Variants in NPC1L1 observed in about 807,000 individuals in gnomAD.
NPC1L1 encodes NPC1 like intracellular cholesterol transporter 1.
Under a neutral mutation model 117.0 loss-of-function variants are expected in NPC1L1, and 98 were observed. The ratio of observed to expected loss-of-function variants is 0.84; its 90% CI spans 0.71 to 0.99. The LOEUF (loss-of-function observed/expected upper bound fraction) is 0.99. Ranked by LOEUF, NPC1L1 falls within the 50% of genes least tolerant of loss-of-function variation. The pLI, the probability that NPC1L1 is intolerant of heterozygous loss-of-function variation, is 0.00. For synonymous variants in NPC1L1, 729 were observed against 727.6 expected (o/e 1.00, Z -0.03); for missense variants, 1,540 against 1,710.0 (o/e 0.90, Z 1.75).
At chr7:44,530,984 C>T (rs181170443) in intron 10 of NPC1L1, among the ~76,000 whole-genome samples, 189 of 152,338 alleles carry the variant, frequency 1.2e-3, no homozygotes, top group Non-Finnish European at 2.1e-3. Context: ...GCCCAAACCT[C>T]CATCACAGTT....
At chr7:44,518,755 G>GA in intron 14 of NPC1L1, 4 of 1,096,640 alleles carry the variant, frequency 3.6e-6, no homozygotes, top group South Asian at 2.2e-5. Flanking sequence ...TAGGTGTGGA[G>GA]AAAAAAGAAG....
At chr7:44,535,136 T>A in intron 5 of NPC1L1, among the ~76,000 whole-genome samples, 1 of 151,904 alleles carries the variant, frequency 6.6e-6, no homozygotes, top group Non-Finnish European at 1.5e-5. Context: ...GCACTTTGGG[T>A]GGGCGGATCA....
chr7:44,531,755 C>A lies in NPC1L1; in HGVS notation c.2637G>T (p.Lys879Asn), dbSNP rs1801707348. Residue 879 changes from lysine to asparagine, a missense_variant and splice_region_variant, in exon 10 of 19, where the codon AAG becomes AAT. Transcript: ENST00000381160. ...VGLDQELALP[K>N]DSYLLDYFLF... Reference sequence around the variant, plus strand: ...AGGGTTGAGAAGGGCCTGGGCTCACCTTGGGCAGGGCCAGCTCCTGGTCCA... The same window carrying A: ...AGGGTTGAGAAGGGCCTGGGCTCACATTGGGCAGGGCCAGCTCCTGGTCCA... The A allele has an allele frequency of 2.5e-6, 4 of 1,570,110 alleles. No individual in the cohort carries two copies. The highest frequency in any genetic ancestry group is 3.5e-6 in the Non-Finnish European group (4 of 1,157,494).
Position 44,538,234 on chromosome 7 carries a change from G to A in NPC1L1, c.1580+583C>T, listed in dbSNP as rs149504525. On this transcript the variant is annotated intron_variant, in intron 2 of 18. Transcript: ENST00000381160. The surrounding 1 kb of genome is among the most constrained non-coding windows in gnomAD (Gnocchi z 5.9). ...CTCTTGGCCCCCTTGGCCCAGCAGC[G>A]TTGTTGGCATCTTGTTGGCAGCACA... is the stretch of plus-strand genomic sequence containing the variant. 1.1e-4 allele frequency among the ~76,000 whole-genome samples: 17 copies of A among 152,336 alleles called. No individual in the cohort carries two copies. The highest frequency in any genetic ancestry group is 2.1e-4 in the Non-Finnish European group (14 of 68,030).
chr7:44,515,802 C>A lies in NPC1L1; in HGVS notation c.3796+1G>T. On this transcript the variant is annotated splice_donor_variant, in intron 18 of 18. Transcript: ENST00000381160. LOFTEE classifies it high-confidence loss of function. ...TGGTAGGAACAGGCCTGGGCACTCA[C>A]CCACGTAGCTGAGGATGACGGGCAG... 6.2e-7 allele frequency: 1 copy of A among 1,614,110 alleles called. No individual in the cohort carries two copies. Among genetic ancestry groups the A allele is most frequent in the Admixed American group, 1.7e-5 (1 of 60,010 alleles).
rs759468137 is a variant in NPC1L1, at chr7:44,513,648, C to G, written c.3798G>C (p.Gly1266=). The G allele has an allele frequency of 6.8e-6, 11 of 1,612,206 alleles. No individual in the cohort carries two copies. In the South Asian group the frequency reaches 1.2e-4, roughly 18 times the overall value. The change falls in exon 19 of 19, where the codon GGG becomes GGC. Residue 1266 remains glycine, a splice_region_variant and synonymous_variant. Coordinates refer to ENST00000381160, the MANE Select transcript of NPC1L1 (RefSeq NM_001101648.2). The part of the protein sequence containing the change: ...VFLPVILSYV[G]PDVNPALALE... Reference sequence around the variant, plus strand: ...GTGCCAGAGCCGGGTTAACGTCAGGCCCTGCGGAGAGACAGAGAACCACAG... The same window carrying G: ...GTGCCAGAGCCGGGTTAACGTCAGGGCCTGCGGAGAGACAGAGAACCACAG...
intron 10 of NPC1L1, among the ~76,000 whole-genome samples, chr7:44,529,152 C>T (rs1244462206): frequency 4.3e-5 from 6 of 140,602 alleles, no homozygotes; most frequent in African/African-American, 1.6e-4. Context: ...CACACACACA[C>T]ACACACACAC....
At position 44,538,817 on chromosome 7, in the gene NPC1L1, T is replaced by C. The variant is rs1468386025; in HGVS notation, c.1580A>G (p.Asn527Ser). ...DWKDHFLYCA[N>S]APLTFKDGTA... is the part of the protein sequence containing the mutation. ...CGCTTGGGCCCCACCATGGACTCAC[T>C]TGGCACAGTACAGAAAATGGTCCTT... Residue 527 changes from asparagine (N) to serine (S), a missense_variant and splice_region_variant, in exon 2 of 19, where the codon AAT becomes AGT. Coordinates refer to ENST00000381160, the MANE Select transcript of NPC1L1 (RefSeq NM_001101648.2). The surrounding 1 kb of genome is among the most constrained non-coding windows in gnomAD (Gnocchi z 5.9). 1 of 1,614,096 alleles carries C rather than the reference T, an allele frequency of 6.2e-7. No homozygotes were observed.
At chr7:44,527,147 C>T (rs943299936) in intron 10 of NPC1L1, among the ~76,000 whole-genome samples, 1 of 151,796 alleles carries the variant, frequency 6.6e-6, no homozygotes, top group African/African-American at 2.4e-5. Flanking sequence ...AAAAGGAATC[C>T]TGTAGGTTGA....
intron 10 of NPC1L1, among the ~76,000 whole-genome samples, chr7:44,525,438 A>G (rs1801482277): frequency 6.6e-6 from 1 of 152,154 alleles, no homozygotes. Flanking sequence ...TTGTATTTTT[A>G]GTAGAGATGG....
intron 10 of NPC1L1, among the ~76,000 whole-genome samples, chr7:44,523,393 G>T (rs530994212): frequency 3.9e-5 from 6 of 152,236 alleles, no homozygotes; most frequent in African/African-American, 1.2e-4. Context: ...TCTATTGAGG[G>T]CTGGAAGCTT....
Position 44,538,368 on chromosome 7 carries a change from G to A in NPC1L1, c.1580+449C>T, listed in dbSNP as rs1170473670. On this transcript the variant is annotated intron_variant, in intron 2 of 18. Coordinates refer to ENST00000381160, the MANE Select transcript of NPC1L1 (RefSeq NM_001101648.2). This position sits in a 1 kb window ranked among gnomAD's most constrained non-coding sequence, Gnocchi z 5.9. Reference sequence around the variant, plus strand: ...TGCCTGAGACCAGCCACGACCTCTGGCCTGAGGGCACCTTTTCCAATGCAT... The same window carrying A: ...TGCCTGAGACCAGCCACGACCTCTGACCTGAGGGCACCTTTTCCAATGCAT... Among the ~76,000 whole-genome samples, 1 of 152,238 alleles carries A rather than the reference G, an allele frequency of 6.6e-6. No individual in the cohort carries two copies. Among genetic ancestry groups the A allele is most frequent in the African/African-American group, 2.4e-5 (1 of 41,462 alleles).
In NPC1L1 at chr7:44,539,474, G is replaced by T. The variant is rs776788939; in HGVS notation, c.923C>A (p.Ala308Asp). The T allele has an allele frequency of 6.2e-7, 1 of 1,614,040 alleles. No individual in the cohort carries two copies. Among genetic ancestry groups the T allele is most frequent in the Non-Finnish European group, 8.5e-7 (1 of 1,179,980 alleles). ...CATCTTGCTTTTGTCCCTGGCGGGG[G>T]CCACACGGAATCCCACAAGCAGGAT... ...VTILLVGFRVAPARDKSKMVD... is the reference protein window; with the variant it reads ...VTILLVGFRVDPARDKSKMVD... The change falls in exon 2 of 19, where the codon GCC becomes GAC. Residue 308 changes from alanine to aspartate, a missense_variant. Physicochemically the swap from Ala to Asp is moderately radical, Grantham distance 126. Around this residue, in one of 3 missense-constraint regions of NPC1L1, gnomAD observed 793 missense variants for 820.4 expected, o/e 0.97. Transcript: ENST00000381160. The surrounding 1 kb of genome is among the most constrained non-coding windows in gnomAD (Gnocchi z 4.4).
intron 16 of NPC1L1, 58 bp from the exon 17 acceptor site, chr7:44,516,255 A>G: frequency 7.0e-7 from 1 of 1,422,452 alleles, no homozygotes. Flanking sequence ...GGAACTAGGG[A>G]GATGAGGCCT....
At position 44,535,982 on chromosome 7, in the gene NPC1L1, C is replaced by A. The variant is rs776336903; in HGVS notation, c.1855-14G>T. On this transcript the variant is annotated splice_polypyrimidine_tract_variant and intron_variant, in intron 4 of 18. Coordinates refer to ENST00000381160, the MANE Select transcript of NPC1L1 (RefSeq NM_001101648.2). ...TTCCAGAGAGCGCTGTGGACACACA[C>A]CCGACCAGCCCCCACTGACCGTGCC... 6.2e-7 allele frequency: 1 copy of A among 1,612,674 alleles called. No homozygotes were observed. The highest frequency in any genetic ancestry group is 1.1e-5 in the South Asian group (1 of 90,990).
chr7:44,535,388 G>A (rs1801847375), intron 5 of NPC1L1, among the ~76,000 whole-genome samples: 1 of 151,848 alleles, frequency 6.6e-6, no homozygotes, highest in South Asian at 2.1e-4. Context: ...AAATAGCTGG[G>A]CACAATGGCA....
At chr7:44,516,337 C>A in intron 16 of NPC1L1, 140 bp from the exon 17 acceptor site, 1 of 788,318 alleles carries the variant, frequency 1.3e-6, no homozygotes, top group Non-Finnish European at 2.2e-6. Flanking sequence ...GGTGCAGTGG[C>A]TCATGCCTAT....
In NPC1L1 at chr7:44,535,956, C is replaced by A; in HGVS notation, c.1867G>T (p.Asp623Tyr). The part of the protein sequence containing the change: ...VTFMAERSLE[D>Y]EINRTTAEDL... ...TCAGCTGTGGTGCGATTGATCTCGT[C>A]TTCCAGAGAGCGCTGTGGACACACA... The change falls in exon 5 of 19, where the codon GAC becomes TAC. Residue 623 changes from aspartate (D) to tyrosine (Y), a missense_variant. Coordinates refer to ENST00000381160, the MANE Select transcript of NPC1L1 (RefSeq NM_001101648.2). 6.2e-7 allele frequency: 1 copy of A among 1,613,246 alleles called. No individual in the cohort carries two copies. Among genetic ancestry groups the A allele is most frequent in the Non-Finnish European group, 8.5e-7 (1 of 1,180,038 alleles).
chr7:44,533,020 C>T (rs1049020369), intron 8 of NPC1L1, among the ~76,000 whole-genome samples: 7 of 151,934 alleles, frequency 4.6e-5, no homozygotes, highest in South Asian at 4.2e-4. Flanking sequence ...GCAGGAGAAT[C>T]GCTTGAACCC....
Sources: allele counts gnomAD v4.1 joint callset (sites outside exome capture counted in the v4.1 genomes callset), GRCh38; gene constraint gnomAD v4.1.1; regional missense constraint gnomAD v4.1.1; non-coding constraint Gnocchi (gnomAD v3.1); transcripts MANE v1.5; gene names NCBI Gene and HGNC (gene_info 2026-07-23, HGNC 2026-07-21).